Variants in MYO9A observed in about 807,000 individuals in gnomAD.
MYO9A encodes unconventional myosin-IXa.
A neutral mutation model predicts 293.3 loss-of-function variants in MYO9A; 103 were observed. That is an observed-to-expected ratio of 0.35 (90% CI 0.30 to 0.41). MYO9A has a LOEUF of 0.41. MYO9A is among the 10% of genes least tolerant of loss of function. The probability of loss-of-function intolerance (pLI) is 1.00; values close to 1 mark genes in which losing one functional copy is unlikely to be tolerated. For synonymous variants in MYO9A, 1,001 were observed against 1,035.7 expected (o/e 0.97, Z 0.64); for missense variants, 2,685 against 3,033.0 (o/e 0.89, Z 2.69).
intron 5 of MYO9A, among the ~76,000 whole-genome samples, chr15:72,019,730 G>A (rs2077445778): frequency 1.3e-5 from 2 of 152,152 alleles, no homozygotes; most frequent in Admixed American, 1.3e-4. Flanking sequence ...TTAACTTGGA[G>A]AAAGCCAAAG....
intron 2 of MYO9A, chr15:72,041,235 C>T (rs2078217449): frequency 2.2e-6 from 3 of 1,388,542 alleles, no homozygotes; most frequent in Non-Finnish European, 2.0e-6. Context: ...ACTCATTGCA[C>T]ACATGACAGA....
intron 32 of MYO9A, among the ~76,000 whole-genome samples, chr15:71,868,061 C>G (rs1345490791): frequency 6.6e-6 from 1 of 152,194 alleles, no homozygotes; most frequent in Non-Finnish European, 1.5e-5. Flanking sequence ...AAGTCTGACG[C>G]TTCTCAGAGT....
chr15:72,084,008 T>A (rs983546893), intron 1 of MYO9A, among the ~76,000 whole-genome samples: 3 of 152,204 alleles, frequency 2.0e-5, no homozygotes, highest in African/African-American at 7.2e-5. Context: ...GTCTATTAGG[T>A]CCATCTGATC....
chr15:71,857,818 C>G (rs888112121), intron 34 of MYO9A, among the ~76,000 whole-genome samples: 1 of 152,138 alleles, frequency 6.6e-6, no homozygotes, highest in Non-Finnish European at 1.5e-5. Context: ...AGTGAACAGG[C>G]AACCTACAGA....
chr15:71,824,466 C>G lies in MYO9A; in HGVS notation c.*2114G>C, dbSNP rs2054388175. 6.6e-6 allele frequency: 1 copy of G among 151,912 alleles called. No homozygotes were observed. Among genetic ancestry groups the G allele is most frequent in the Non-Finnish European group, 1.5e-5 (1 of 68,030 alleles). 9.4% of individuals were successfully genotyped at this position (151,912 alleles called of 1,614,324 possible). A position where few individuals can be genotyped will look rare whatever the true frequency, so the allele number is the denominator to read the frequency against. On this transcript the variant is annotated 3_prime_UTR_variant, in exon 42 of 42. Coordinates refer to ENST00000356056, the MANE Select transcript of MYO9A (RefSeq NM_006901.4). Reference sequence around the variant, plus strand: ...TTTTTTTCATACAGGATTTAACCAACATTCTGGAGCAAGTGCAGAGTAACA... The same window carrying G: ...TTTTTTTCATACAGGATTTAACCAAGATTCTGGAGCAAGTGCAGAGTAACA...
chr15:71,886,003 A>C (rs1441236424), intron 27 of MYO9A, among the ~76,000 whole-genome samples: 1 of 152,072 alleles, frequency 6.6e-6, no homozygotes, highest in Non-Finnish European at 1.5e-5. Context: ...ATTTGGTTTC[A>C]TGAATACAAT....
intron 1 of MYO9A, among the ~76,000 whole-genome samples, chr15:72,090,506 G>A (rs552142469): frequency 6.6e-6 from 1 of 152,186 alleles, no homozygotes; most frequent in South Asian, 2.1e-4. Context: ...CTCATTTACT[G>A]TTTCTATACT....
rs3784312 is a variant in MYO9A at position 71,894,749 on chromosome 15, C to G, written c.5043-971G>C. Among the ~76,000 whole-genome samples, 37 of 152,238 alleles carry G rather than the reference C, an allele frequency of 2.4e-4. No homozygotes were observed. In the East Asian group the frequency reaches 6.9e-3, roughly 29 times the overall value. On this transcript the variant is annotated intron_variant, in intron 25 of 41. Transcript: ENST00000356056. ...ATTGAAAAACTGTATGATGAGAATG[C>G]TTTATCATTAAATTCTGGGCAGAAA... is the stretch of plus-strand genomic sequence containing the variant.
chr15:72,029,944 T>C (rs2149386394), intron 3 of MYO9A, among the ~76,000 whole-genome samples: 1 of 152,284 alleles, frequency 6.6e-6, no homozygotes, highest in East Asian at 1.9e-4. Flanking sequence ...TATACTTCAG[T>C]CACTCACAAA....
chr15:71,955,926 T>C (rs1436842657), intron 14 of MYO9A, among the ~76,000 whole-genome samples: 1 of 152,146 alleles, frequency 6.6e-6, no homozygotes, highest in Non-Finnish European at 1.5e-5. Flanking sequence ...ACAATTCACA[T>C]AAATGGAATG....
intron 19 of MYO9A, among the ~76,000 whole-genome samples, chr15:71,913,921 ACTC>A (rs1183380333): frequency 2.6e-5 from 4 of 152,152 alleles, no homozygotes; most frequent in African/African-American, 9.6e-5. Context: ...GAACAGAACT[ACTC>A]CTCTAATCCT....
rs562254215 is a variant in MYO9A, at chr15:72,060,642, G to A, written c.-71-14008C>T. On this transcript the variant is annotated intron_variant, in intron 1 of 41. Transcript: ENST00000356056. ...CCGGCATCTATGGAGGGAGCATTTA[G>A]ACGAGCCCTAATCAGAGAGGAATTG... Among the ~76,000 whole-genome samples, 46 of 152,280 alleles carry A rather than the reference G, an allele frequency of 3.0e-4. No individual in the cohort carries two copies. In the East Asian group the frequency reaches 8.3e-3, roughly 28 times the overall value.
At chr15:72,013,706 T>C (rs778266283) in intron 6 of MYO9A, among the ~76,000 whole-genome samples, 4 of 152,228 alleles carry the variant, frequency 2.6e-5, no homozygotes, top group Non-Finnish European at 4.4e-5. Flanking sequence ...AGGCAATTAG[T>C]GTGGGTGTGA....
chr15:72,110,912 CA>C (rs1470265032), intron 1 of MYO9A, among the ~76,000 whole-genome samples: 1 of 152,182 alleles, frequency 6.6e-6, no homozygotes, highest in African/African-American at 2.4e-5. Flanking sequence ...GTAATCCCAG[CA>C]CTTTGGGAGG....
At chr15:71,944,888 T>C (rs1409243003) in intron 15 of MYO9A, among the ~76,000 whole-genome samples, 3 of 152,190 alleles carry the variant, frequency 2.0e-5, no homozygotes, top group African/African-American at 7.2e-5. Flanking sequence ...TTATACTTAT[T>C]GGGTTGAATT....
At chr15:71,984,425 GC>G (rs2076357424) in intron 11 of MYO9A, among the ~76,000 whole-genome samples, 1 of 152,098 alleles carries the variant, frequency 6.6e-6, no homozygotes, top group African/African-American at 2.4e-5. Context: ...TATTTAACAT[GC>G]CTTGGATTCT....
rs371575982 is a variant in MYO9A at position 71,959,881 on chromosome 15, T to C, written c.2182+20A>G. 718 of 1,432,304 alleles carry C rather than the reference T, an allele frequency of 5.0e-4. No individual in the cohort carries two copies. Among genetic ancestry groups the C allele is most frequent in the Non-Finnish European group, 6.7e-4 (686 of 1,024,430 alleles). 88.7% of individuals were successfully genotyped at this position (1,432,304 alleles called of 1,614,324 possible). The stretch of plus-strand genomic sequence containing the variant: ...AAAAAAAAGATGAAGTATGGTAGAA[T>C]ACTAATAACTACTACTTACCAGTTT... On this transcript the variant is annotated intron_variant, in intron 14 of 41. Coordinates refer to ENST00000356056, the MANE Select transcript of MYO9A (RefSeq NM_006901.4).
chr15:72,037,742 G>T (rs535199697), intron 2 of MYO9A, among the ~76,000 whole-genome samples: 1 of 152,080 alleles, frequency 6.6e-6, no homozygotes. Flanking sequence ...ATCTCATTTT[G>T]AGGTGCCACA....
At chr15:71,977,857 GA>G (rs2076181619) in intron 12 of MYO9A, among the ~76,000 whole-genome samples, 1 of 152,212 alleles carries the variant, frequency 6.6e-6, no homozygotes, top group African/African-American at 2.4e-5. Flanking sequence ...CTAACACGGT[GA>G]AACCCCGTCT....
Sources: gnomAD v4.1 joint callset for allele counts (sites outside exome capture counted in the v4.1 genomes callset) on GRCh38, gnomAD v4.1.1 for gene constraint, MANE v1.5 for transcripts, NCBI Gene and HGNC (gene_info 2026-07-23, HGNC 2026-07-21) for gene names.